Variants in PHF24 observed in about 807,000 individuals in gnomAD.
PHF24 encodes PHD finger protein 24.
In PHF24, 25 loss-of-function variants were observed where a neutral mutation model predicts 42.6. That is an observed-to-expected ratio of 0.59 (90% confidence interval 0.43 to 0.82). The LOEUF is 0.82. Ranked by LOEUF, PHF24 falls within the 40% of genes least tolerant of loss-of-function variation. The pLI, the probability that PHF24 is intolerant of heterozygous loss-of-function variation, is 0.00. For missense variants in PHF24, 470 were observed against 538.1 expected, an observed-to-expected ratio of 0.87 and a Z score of 1.25; for synonymous variants, 185 against 204.8, an observed-to-expected ratio of 0.90 and a Z score of 0.83.
At chr9:34,804,398 A>C in the PHF24 span, among the ~76,000 whole-genome samples, 2 of 152,342 alleles carry the variant, frequency 1.3e-5, no homozygotes, top group South Asian at 4.1e-4. Flanking sequence ...TATAGGCTTA[A>C]GGGCAGTGTT....
chr9:34,957,967 C>T (rs934239871), upstream of PHF24, among the ~76,000 whole-genome samples: 6 of 151,344 alleles, frequency 4.0e-5, no homozygotes, highest in East Asian at 1.9e-4. Flanking sequence ...GCCGCAGTGC[C>T]GGGCGCTCGT....
chr9:34,829,547 G>T, the PHF24 span, among the ~76,000 whole-genome samples: 2 of 151,980 alleles, frequency 1.3e-5, no homozygotes, highest in African/African-American at 4.8e-5. Flanking sequence ...GACCCTTCTG[G>T]GATTCTCCTG....
chr9:34,925,279 A>G, the PHF24 span, among the ~76,000 whole-genome samples: 1 of 152,092 alleles, frequency 6.6e-6, no homozygotes, highest in Non-Finnish European at 1.5e-5. Flanking sequence ...TGCTGTTTTT[A>G]GAATTATTTG....
the PHF24 span, among the ~76,000 whole-genome samples, chr9:34,796,928 A>G: frequency 6.6e-6 from 1 of 152,258 alleles, no homozygotes; most frequent in African/African-American, 2.4e-5. Flanking sequence ...ATGTCATTCA[A>G]TGAACAGATG....
the PHF24 span, among the ~76,000 whole-genome samples, chr9:34,925,684 T>C: frequency 6.6e-6 from 1 of 152,190 alleles, no homozygotes; most frequent in African/African-American, 2.4e-5. Flanking sequence ...TTATCAATTG[T>C]TTTCCTGATT....
the PHF24 span, chr9:34,922,725 T>A: frequency 3.8e-6 from 6 of 1,574,904 alleles, no homozygotes; most frequent in Non-Finnish European, 5.2e-6. Context: ...TGTCTTTTGT[T>A]CAATACTTGA....
the PHF24 span, chr9:34,917,984 TG>T: frequency 7.2e-7 from 1 of 1,381,322 alleles, no homozygotes; most frequent in Non-Finnish European, 1.0e-6. Flanking sequence ...TGAAATACAC[TG>T]GGGAGGCCAT....
chr9:34,726,740 G>C, the PHF24 span: 1 of 1,551,762 alleles, frequency 6.4e-7, no homozygotes, highest in Non-Finnish European at 8.7e-7. Context: ...TGGGGTTACA[G>C]ATGACAGTGA....
chr9:34,699,950 G>T, the PHF24 span, among the ~76,000 whole-genome samples: 1 of 152,102 alleles, frequency 6.6e-6, no homozygotes, highest in Admixed American at 6.5e-5. Context: ...TTGAGGGAGG[G>T]GGTTATTTTA....
At chr9:34,700,433 G>A in the PHF24 span, among the ~76,000 whole-genome samples, 1 of 152,166 alleles carries the variant, frequency 6.6e-6, no homozygotes, top group Non-Finnish European at 1.5e-5. Flanking sequence ...ACTTTGCTGA[G>A]GGGTTCAGCA....
the PHF24 span, among the ~76,000 whole-genome samples, chr9:34,735,425 G>A: frequency 7.3e-5 from 11 of 150,828 alleles, no homozygotes; most frequent in South Asian, 8.6e-4. Flanking sequence ...GTGAGCCACC[G>A]CACCCGGCCC....
the PHF24 span, among the ~76,000 whole-genome samples, chr9:34,783,036 A>G: frequency 6.6e-6 from 1 of 152,108 alleles, no homozygotes; most frequent in South Asian, 2.1e-4. Flanking sequence ...TATTTGTAGC[A>G]TTGCTCTTGC....
At chr9:34,694,730 A>G in the PHF24 span, among the ~76,000 whole-genome samples, 6 of 152,054 alleles carry the variant, frequency 3.9e-5, no homozygotes, top group South Asian at 6.2e-4. Flanking sequence ...CGGCCTCCCA[A>G]AGTGCTGGGA....
the PHF24 span, among the ~76,000 whole-genome samples, chr9:34,694,025 C>T: frequency 6.6e-6 from 1 of 152,118 alleles, no homozygotes; most frequent in African/African-American, 2.4e-5. Context: ...CTCCTGACTA[C>T]TCAGCTACTC....
the PHF24 span, among the ~76,000 whole-genome samples, chr9:34,907,530 T>G: frequency 9.2e-5 from 14 of 152,218 alleles, no homozygotes; most frequent in Non-Finnish European, 1.6e-4. Flanking sequence ...GAACCTCTGC[T>G]CTGAAGACGA....
the PHF24 span, among the ~76,000 whole-genome samples, chr9:34,898,481 T>A: frequency 6.6e-6 from 1 of 152,202 alleles, no homozygotes; most frequent in Admixed American, 6.5e-5. Context: ...TTAAGGATAA[T>A]TTAAGAAGAG....
the PHF24 span, among the ~76,000 whole-genome samples, chr9:34,758,973 C>T: frequency 2.6e-5 from 4 of 152,102 alleles, no homozygotes; most frequent in Non-Finnish European, 5.9e-5. The surrounding 1 kb of genome is among the most constrained non-coding windows in gnomAD (Gnocchi z 4.4). Flanking sequence ...TCACTGCTCC[C>T]GTCACCACAG....
the PHF24 span, among the ~76,000 whole-genome samples, chr9:34,738,997 C>T: frequency 5.9e-5 from 9 of 152,254 alleles, no homozygotes; most frequent in East Asian, 1.9e-4. Flanking sequence ...GTACTGTTTC[C>T]GAGCCAGAAC....
At chr9:34,787,256 T>G in the PHF24 span, among the ~76,000 whole-genome samples, 2 of 151,978 alleles carry the variant, frequency 1.3e-5, no homozygotes, top group African/African-American at 4.8e-5. Flanking sequence ...TCAAACAAGA[T>G]CAGGGACATG....
Sources: gnomAD v4.1 joint callset for allele counts (sites outside exome capture counted in the v4.1 genomes callset) on GRCh38, gnomAD v4.1.1 for gene constraint, Gnocchi (gnomAD v3.1) non-coding constraint, MANE v1.5 for transcripts, NCBI Gene and HGNC (gene_info 2026-07-23, HGNC 2026-07-21) for gene names.